The following CNTNAP5 variants were observed in gnomAD, a reference collection of about 807,000 sequenced individuals.
CNTNAP5 encodes the protein contactin-associated protein-like 5.
Under a neutral mutation model 150.2 loss-of-function variants are expected in CNTNAP5, and 72 were observed. The ratio of observed to expected loss-of-function variants is 0.48; its 90% CI spans 0.40 to 0.58. CNTNAP5 has a LOEUF of 0.58. CNTNAP5 is among the 20% of genes least tolerant of loss of function. CNTNAP5 has a pLI of 0.00. For missense variants in CNTNAP5, 1,636 were observed against 1,626.2 expected (o/e 1.01, Z -0.10); for synonymous variants, 672 against 619.8 (o/e 1.08, Z -1.25).
intron 1 of CNTNAP5, among the ~76,000 whole-genome samples, chr2:124,208,018 A>C (rs1236257745): frequency 6.6e-6 from 1 of 152,164 alleles, no homozygotes; most frequent in Non-Finnish European, 1.5e-5. Context: ...AGCATTTTAC[A>C]AGGAAAAGTA....
intron 3 of CNTNAP5, among the ~76,000 whole-genome samples, chr2:124,347,629 G>T (rs892614520): frequency 6.6e-6 from 1 of 152,154 alleles, no homozygotes; most frequent in African/African-American, 2.4e-5. Context: ...CACACGTTTT[G>T]TGCTTATGGT....
At chr2:124,148,294 C>T (rs1684304526) in intron 1 of CNTNAP5, among the ~76,000 whole-genome samples, 1 of 149,878 alleles carries the variant, frequency 6.7e-6, no homozygotes, top group Non-Finnish European at 1.5e-5. Flanking sequence ...GCGAGACCCC[C>T]TCTAAAAAAA....
At chr2:124,630,085 C>T (rs1220315342) in intron 12 of CNTNAP5, among the ~76,000 whole-genome samples, 1 of 150,872 alleles carries the variant, frequency 6.6e-6, no homozygotes, top group Admixed American at 6.6e-5. Flanking sequence ...AATAGCCTAC[C>T]AACCAAAAAA....
At chr2:124,340,415 G>C (rs1689581245) in intron 3 of CNTNAP5, among the ~76,000 whole-genome samples, 1 of 152,092 alleles carries the variant, frequency 6.6e-6, no homozygotes, top group African/African-American at 2.4e-5. Flanking sequence ...AGCGGGGTAG[G>C]AAAATGGGAT....
At chr2:124,050,936 G>C (rs899058644) in intron 1 of CNTNAP5, among the ~76,000 whole-genome samples, 1 of 152,114 alleles carries the variant, frequency 6.6e-6, no homozygotes, top group African/African-American at 2.4e-5. Context: ...TAGGCACCAG[G>C]ATAACATCTA....
chr2:124,305,896 G>C (rs1362907331), intron 3 of CNTNAP5, among the ~76,000 whole-genome samples: 2 of 152,140 alleles, frequency 1.3e-5, no homozygotes, highest in African/African-American at 4.8e-5. Flanking sequence ...AGAAGACAAT[G>C]TTGTTTTGCC....
chr2:124,581,734 G>A (rs1696417917), intron 11 of CNTNAP5, among the ~76,000 whole-genome samples: 1 of 152,154 alleles, frequency 6.6e-6, no homozygotes, highest in Non-Finnish European at 1.5e-5. Context: ...GTCCTGAAAT[G>A]CAAACTTAAT....
At chr2:124,109,335 T>A (rs1257617437) in intron 1 of CNTNAP5, among the ~76,000 whole-genome samples, 2 of 152,026 alleles carry the variant, frequency 1.3e-5, no homozygotes, top group Non-Finnish European at 2.9e-5. Context: ...ATAGCTGCCA[T>A]CCTGTACTCG....
At chr2:124,072,177 A>G (rs529452462) in intron 1 of CNTNAP5, among the ~76,000 whole-genome samples, 2 of 152,098 alleles carry the variant, frequency 1.3e-5, no homozygotes, top group Non-Finnish European at 2.9e-5. Context: ...TTCAACACTG[A>G]TTCATGATAA....
At chr2:124,229,530 G>A (rs1241090234) in intron 2 of CNTNAP5, among the ~76,000 whole-genome samples, 1 of 151,990 alleles carries the variant, frequency 6.6e-6, no homozygotes, top group Non-Finnish European at 1.5e-5. Flanking sequence ...ATTACTTTTG[G>A]AAAAAAGAAA....
chr2:124,032,413 A>AT (rs1434368541), intron 1 of CNTNAP5, among the ~76,000 whole-genome samples: 4 of 152,100 alleles, frequency 2.6e-5, no homozygotes, highest in South Asian at 2.1e-4. Flanking sequence ...TTATAGTCAG[A>AT]TTTTTTTGCT....
Position 124,312,267 on chromosome 2 carries a change from T to C in CNTNAP5, c.381+69874T>C, listed in dbSNP as rs111952434. Among the ~76,000 whole-genome samples the C allele has an allele frequency of 2.4e-3, 367 of 152,354 alleles. 1 individual carries two copies. Among genetic ancestry groups the C allele is most frequent in the Middle Eastern group, 0.024 (7 of 294 alleles). ...AAATAAATATTAGGTTAGAGATATA[T>C]GGGATTGAGTCAAAAGTGAGTTTTG... is the stretch of plus-strand genomic sequence containing the variant. On this transcript the variant is annotated intron_variant, in intron 3 of 23. Transcript: ENST00000682447.
intron 19 of CNTNAP5, among the ~76,000 whole-genome samples, chr2:124,819,347 T>G (rs1319003192): frequency 2.0e-5 from 3 of 152,238 alleles, no homozygotes; most frequent in African/African-American, 7.2e-5. Flanking sequence ...ATATTGAATT[T>G]TCACTACCAC....
intron 13 of CNTNAP5, among the ~76,000 whole-genome samples, chr2:124,693,978 GAACAATGGGATTTCGTATAAAC>G (rs942085797): frequency 1.1e-4 from 17 of 152,024 alleles, no homozygotes; most frequent in African/African-American, 4.1e-4. Context: ...CCTGACCCAT[GAACAATGGGATTTCGTATAAAC>G]AACAATGGGA....
intron 1 of CNTNAP5, among the ~76,000 whole-genome samples, chr2:124,092,087 C>T (rs541413842): frequency 1.2e-4 from 18 of 152,286 alleles, no homozygotes; most frequent in African/African-American, 4.3e-4. Context: ...TCTGAGTACC[C>T]TTCCTTTTTC....
intron 3 of CNTNAP5, among the ~76,000 whole-genome samples, chr2:124,299,083 C>G (rs981826981): frequency 1.3e-5 from 2 of 152,124 alleles, no homozygotes; most frequent in South Asian, 4.1e-4. Context: ...AAAAGGGAAA[C>G]AGGGACACGT....
At chr2:124,669,048 C>T (rs969782081) in intron 13 of CNTNAP5, among the ~76,000 whole-genome samples, 1 of 152,186 alleles carries the variant, frequency 6.6e-6, no homozygotes, top group African/African-American at 2.4e-5. Flanking sequence ...GAAGCCCACC[C>T]TGATTTATTC....
rs555994175 is a variant in CNTNAP5 at position 124,356,880 on chromosome 2, A to G, written c.382-60563A>G. 1.4e-3 allele frequency among the ~76,000 whole-genome samples: 206 copies of G among 151,880 alleles called. 1 individual carries two copies. The Middle Eastern group carries it at 0.017, about 13-fold the overall frequency. On this transcript the variant is annotated intron_variant, in intron 3 of 23. Transcript: ENST00000682447. The stretch of plus-strand genomic sequence containing the variant: ...AGTTCTAGATCCCTGAGGAATCGCC[A>G]CACTGACTTCCACAATGGTTGAACT...
Position 124,466,330 on chromosome 2 carries a change from C to A in CNTNAP5, c.919-8409C>A, listed in dbSNP as rs765138248. Among the ~76,000 whole-genome samples, 200 of 152,094 alleles carry A rather than the reference C, an allele frequency of 1.3e-3. 2 individuals carry two copies. Among genetic ancestry groups the A allele is most frequent in the Non-Finnish European group, 2.5e-3 (172 of 68,018 alleles). ...CTATGGCACCAACTGATCTTGCTTT[C>A]TTTACTTATGACTTAAAATTTGATG... is the stretch of plus-strand genomic sequence containing the variant. On this transcript the variant is annotated intron_variant, in intron 6 of 23. Coordinates refer to ENST00000682447, the MANE Select transcript of CNTNAP5 (RefSeq NM_001367498.1).
Sources: allele counts gnomAD v4.1 joint callset (sites outside exome capture counted in the v4.1 genomes callset), GRCh38; gene constraint gnomAD v4.1.1; transcripts MANE v1.5; gene names NCBI Gene and HGNC (gene_info 2026-07-23, HGNC 2026-07-21).